Variants in ROBO1 observed in about 807,000 individuals in gnomAD.
The protein encoded by ROBO1 is roundabout guidance receptor 1.
ROBO1 carries 149 observed loss-of-function variants against 195.9 expected under a neutral mutation model. The observed-to-expected ratio is 0.76, with a 90% confidence interval of 0.67 to 0.87. The LOEUF (loss-of-function observed/expected upper bound fraction) is 0.87. Ranked by LOEUF, ROBO1 falls within the 40% of genes least tolerant of loss-of-function variation. The probability of loss-of-function intolerance (pLI) is 0.00; values close to 1 mark genes in which losing one functional copy is unlikely to be tolerated. For synonymous variants in ROBO1, 816 were observed against 733.2 expected (o/e 1.11, Z -1.82); for missense variants, 1,933 against 2,068.3 (o/e 0.93, Z 1.27).
At chr3:79,497,069 T>A (rs115832606) in intron 2 of ROBO1, among the ~76,000 whole-genome samples, 1,604 of 152,258 alleles carry the variant, frequency 0.011, 24 homozygotes, top group Middle Eastern at 0.041. Flanking sequence ...TTAAAGAATC[T>A]GAGGAGAAGC....
chr3:79,355,974 T>C (rs2035538541), intron 2 of ROBO1, among the ~76,000 whole-genome samples: 1 of 152,206 alleles, frequency 6.6e-6, no homozygotes, highest in Admixed American at 6.5e-5. Flanking sequence ...TTATAACTTT[T>C]TGAGAAAAGT....
intron 2 of ROBO1, among the ~76,000 whole-genome samples, chr3:79,358,987 C>T (rs1000355850): frequency 2.0e-5 from 3 of 151,956 alleles, no homozygotes; most frequent in Non-Finnish European, 4.4e-5. Flanking sequence ...TCCCTATAAA[C>T]GTTCATCTAT....
intron 2 of ROBO1, among the ~76,000 whole-genome samples, chr3:79,178,605 C>T (rs2081293003): frequency 6.6e-6 from 1 of 152,096 alleles, no homozygotes; most frequent in Non-Finnish European, 1.5e-5. Context: ...AGTGTGAAAT[C>T]CGAACAGAAA....
chr3:79,576,685 A>G (rs772315204), intron 2 of ROBO1, among the ~76,000 whole-genome samples: 1 of 152,172 alleles, frequency 6.6e-6, no homozygotes, highest in Admixed American at 6.5e-5. Flanking sequence ...ATGGATGATC[A>G]TATACACACT....
intron 2 of ROBO1, among the ~76,000 whole-genome samples, chr3:79,408,866 T>A (rs1443327764): frequency 6.6e-6 from 1 of 152,182 alleles, no homozygotes; most frequent in African/African-American, 2.4e-5. Flanking sequence ...AAAACCATAT[T>A]CAATACCTTT....
chr3:79,499,082 C>T (rs1471297127), intron 2 of ROBO1, among the ~76,000 whole-genome samples: 1 of 152,138 alleles, frequency 6.6e-6, no homozygotes, highest in Non-Finnish European at 1.5e-5. Context: ...GCAACCTCTG[C>T]CTCTCCGGTT....
intron 1 of ROBO1, among the ~76,000 whole-genome samples, chr3:79,626,379 G>A (rs1945180356): frequency 6.6e-6 from 1 of 152,160 alleles, no homozygotes; most frequent in Non-Finnish European, 1.5e-5. Context: ...GGAGCTTGCA[G>A]TGAGCCACGA....
chr3:79,747,513 G>A (rs1014473144), intron 1 of ROBO1, among the ~76,000 whole-genome samples: 6 of 152,022 alleles, frequency 3.9e-5, no homozygotes, highest in Admixed American at 1.3e-4. Context: ...ATCTCAGAGA[G>A]CTAAAAGTAA....
At chr3:79,556,971 T>C (rs1942724430) in intron 2 of ROBO1, among the ~76,000 whole-genome samples, 1 of 150,768 alleles carries the variant, frequency 6.6e-6, no homozygotes. Context: ...GGACTTCATC[T>C]CCCACCAATG....
Position 79,507,429 on chromosome 3 carries a change from A to C in ROBO1, c.88+82395T>G, listed in dbSNP as rs182783255. Among the ~76,000 whole-genome samples, 311 of 152,286 alleles carry C rather than the reference A, an allele frequency of 2.0e-3. 2 individuals carry two copies. The highest frequency in any genetic ancestry group is 6.2e-3 in the African/African-American group (258 of 41,560). On this transcript the variant is annotated intron_variant, in intron 2 of 30. Coordinates refer to ENST00000464233, the MANE Select transcript of ROBO1 (RefSeq NM_002941.4). ...GAGCAGTACTGCAACTTACTACAAC[A>C]AAAGGCCATATCAAGAGGATGCAAA... is the stretch of plus-strand genomic sequence containing the variant.
intron 3 of ROBO1, among the ~76,000 whole-genome samples, chr3:79,117,293 C>T (rs1228242311): frequency 1.3e-5 from 2 of 151,956 alleles, no homozygotes; most frequent in Non-Finnish European, 2.9e-5. Context: ...TTGCTTGAAC[C>T]TTGGGGGTGG....
At chr3:79,503,543 G>A (rs1437139618) in intron 2 of ROBO1, among the ~76,000 whole-genome samples, 1 of 152,176 alleles carries the variant, frequency 6.6e-6, no homozygotes, top group Non-Finnish European at 1.5e-5. Flanking sequence ...CCTTGGGTAA[G>A]TCACTTTAAT....
intron 2 of ROBO1, among the ~76,000 whole-genome samples, chr3:79,175,891 A>G (rs1026515234): frequency 1.3e-5 from 2 of 152,350 alleles, no homozygotes; most frequent in South Asian, 2.1e-4. Context: ...TATGAATTGT[A>G]TAACTGAGAA....
intron 4 of ROBO1, among the ~76,000 whole-genome samples, chr3:78,907,829 T>C (rs1476966314): frequency 6.6e-6 from 1 of 151,842 alleles, no homozygotes; most frequent in Non-Finnish European, 1.5e-5. Context: ...AAGAAAAACA[T>C]GAAAAGAGAA....
At chr3:78,646,028 G>A in intron 21 of ROBO1, 120 bp downstream of exon 21, 1 of 847,750 alleles carries the variant, frequency 1.2e-6, no homozygotes, top group Non-Finnish European at 1.9e-6. Context: ...CTTCGTCAAG[G>A]AACTAAATAA....
chr3:78,719,418 G>A (rs1450590883), intron 5 of ROBO1, among the ~76,000 whole-genome samples: 3 of 151,908 alleles, frequency 2.0e-5, no homozygotes, highest in African/African-American at 7.3e-5. Flanking sequence ...GTTAATTATT[G>A]TTAGTACTTT....
rs572900570 is a variant in ROBO1, at chr3:79,294,067, A to G, written c.89-168528T>C. The stretch of plus-strand genomic sequence containing the variant: ...AGCGAGACTCCATCTCAAAAAAAAA[A>G]AAAAAAAAAAAAAAAAGAAAGAAAA... On this transcript the variant is annotated intron_variant, in intron 2 of 30. Coordinates refer to ENST00000464233, the MANE Select transcript of ROBO1 (RefSeq NM_002941.4). 3.3e-4 allele frequency among the ~76,000 whole-genome samples: 49 copies of G among 148,104 alleles called. No homozygotes were observed. In the South Asian group the frequency reaches 8.8e-3, roughly 27 times the overall value.
At chr3:79,234,723 G>A (rs758386952) in intron 2 of ROBO1, among the ~76,000 whole-genome samples, 7 of 152,008 alleles carry the variant, frequency 4.6e-5, no homozygotes, top group East Asian at 1.9e-4. Context: ...CACAGGAACC[G>A]AAAACCAAAT....
intron 1 of ROBO1, among the ~76,000 whole-genome samples, chr3:79,610,219 G>C (rs1944614675): frequency 6.6e-6 from 1 of 151,782 alleles, no homozygotes; most frequent in Admixed American, 6.6e-5. Context: ...GGATAGTACT[G>C]AACCTTAAAT....
Sources: gnomAD v4.1 joint callset for allele counts (sites outside exome capture counted in the v4.1 genomes callset) on GRCh38, gnomAD v4.1.1 for gene constraint, MANE v1.5 for transcripts, NCBI Gene and HGNC (gene_info 2026-07-23, HGNC 2026-07-21) for gene names.